MIGA1: variants seen among roughly 807,000 people sequenced by gnomAD.
The protein encoded by MIGA1 is mitoguardin 1.
Under a neutral mutation model 82.0 loss-of-function variants are expected in MIGA1, and 58 were observed. The ratio of observed to expected loss-of-function variants is 0.71; its 90% CI spans 0.57 to 0.88. The LOEUF (loss-of-function observed/expected upper bound fraction) is 0.88, where lower values mean the gene tolerates loss of function less well. MIGA1 is among the 40% of genes least tolerant of loss of function. The probability of loss-of-function intolerance (pLI) is 0.00; values close to 1 mark genes in which losing one functional copy is unlikely to be tolerated. For synonymous variants in MIGA1, 249 were observed against 253.6 expected (o/e 0.98, Z 0.17); for missense variants, 751 against 749.1 (o/e 1.00, Z -0.03).
Position 77,875,120 on chromosome 1 carries a change from T to C in MIGA1, c.*56T>C. 1 of 1,379,044 alleles carries C rather than the reference T, an allele frequency of 7.3e-7. No homozygotes were observed. The allele number at this position is 1,379,044 out of a possible 1,614,324, so 85.4% of individuals were successfully genotyped here. A position where few individuals can be genotyped will look rare whatever the true frequency, so the allele number is the denominator to read the frequency against. ...CTATGAAATATTTTAAGGTAACTATTGATTTTGTAACATATATTACAAAGT... is the reference window on the plus strand; with the variant it reads ...CTATGAAATATTTTAAGGTAACTATCGATTTTGTAACATATATTACAAAGT... On this transcript the variant is annotated 3_prime_UTR_variant, in exon 16 of 16. Coordinates refer to ENST00000370791, the MANE Select transcript of MIGA1 (RefSeq NM_198549.4).
intron 2 of MIGA1, among the ~76,000 whole-genome samples, chr1:77,789,811 A>G (rs1462423235): frequency 2.0e-5 from 3 of 151,842 alleles, no homozygotes; most frequent in Admixed American, 6.6e-5. Flanking sequence ...CCATACCTAG[A>G]ATCAACCACT....
intron 7 of MIGA1, among the ~76,000 whole-genome samples, chr1:77,840,375 A>G (rs1684584013): frequency 6.6e-6 from 1 of 152,228 alleles, no homozygotes; most frequent in Admixed American, 6.5e-5. Flanking sequence ...GTTATTGTTG[A>G]CTAAAGTAAA....
At chr1:77,812,261 G>T (rs1197267705) in intron 5 of MIGA1, among the ~76,000 whole-genome samples, 1 of 152,190 alleles carries the variant, frequency 6.6e-6, no homozygotes, top group African/African-American at 2.4e-5. Context: ...CTGAGGTCAG[G>T]AGTTCGAGAC....
chr1:77,855,302 T>C (rs1279735826), intron 8 of MIGA1, among the ~76,000 whole-genome samples: 1 of 152,204 alleles, frequency 6.6e-6, no homozygotes, highest in Non-Finnish European at 1.5e-5. Flanking sequence ...TGTGGCCTTA[T>C]AGTATAGTTT....
At chr1:77,865,141 T>C (rs1350229908) in intron 13 of MIGA1, among the ~76,000 whole-genome samples, 2 of 151,892 alleles carry the variant, frequency 1.3e-5, no homozygotes, top group Admixed American at 1.3e-4. Context: ...TTCTTTCTTT[T>C]TTTTTTTTTT....
chr1:77,791,405 T>C (rs1035154494), intron 2 of MIGA1, among the ~76,000 whole-genome samples: 1 of 152,128 alleles, frequency 6.6e-6, no homozygotes, highest in Admixed American at 6.5e-5. Context: ...TTGTACTCCA[T>C]GGTATGTATG....
At chr1:77,801,589 C>T in intron 3 of MIGA1, 81 bp downstream of exon 3, 1 of 1,196,888 alleles carries the variant, frequency 8.4e-7, no homozygotes, top group Non-Finnish European at 1.1e-6. Flanking sequence ...TTTTAGTCTC[C>T]AGAATTTTCT....
At chr1:77,784,905 C>G (rs527694039) in intron 2 of MIGA1, among the ~76,000 whole-genome samples, 1 of 152,282 alleles carries the variant, frequency 6.6e-6, no homozygotes, top group African/African-American at 2.4e-5. Context: ...TATTGTGACA[C>G]TTACTCATTA....
chr1:77,798,413 C>T (rs1036026752), intron 2 of MIGA1, among the ~76,000 whole-genome samples: 1 of 152,114 alleles, frequency 6.6e-6, no homozygotes, highest in African/African-American at 2.4e-5. Context: ...CTGGTGAGGC[C>T]TCACAATTAT....
intron 2 of MIGA1, among the ~76,000 whole-genome samples, chr1:77,786,084 T>A (rs139799763): frequency 2.5e-4 from 38 of 152,348 alleles, no homozygotes; most frequent in Middle Eastern, 6.8e-3. Context: ...AATTCTTGAT[T>A]TCTGTGCACT....
chr1:77,869,120 TA>T (rs1379891372), intron 14 of MIGA1, among the ~76,000 whole-genome samples: 1 of 149,846 alleles, frequency 6.7e-6, no homozygotes, highest in Non-Finnish European at 1.5e-5. Context: ...CCTGGGTACT[TA>T]AGATTAGGGA....
At chr1:77,845,123 T>C (rs1434956076) in intron 8 of MIGA1, among the ~76,000 whole-genome samples, 3 of 152,196 alleles carry the variant, frequency 2.0e-5, no homozygotes, top group African/African-American at 7.2e-5. Context: ...ATTCATAATA[T>C]CTTTTATCTT....
intron 8 of MIGA1, among the ~76,000 whole-genome samples, chr1:77,856,577 A>G (rs1252328134): frequency 2.0e-5 from 3 of 152,056 alleles, no homozygotes; most frequent in African/African-American, 4.8e-5. Flanking sequence ...TGATCAAGGT[A>G]TCTAATTCTT....
chr1:77,875,637 T>C lies in MIGA1; in HGVS notation c.*573T>C, dbSNP rs1480855085. On this transcript the variant is annotated 3_prime_UTR_variant, in exon 16 of 16. Transcript: ENST00000370791. ...AATCAAAGAAATTGTAATCACTGAA[T>C]ATTGTTATAGAACATTTAAATGGGC... The C allele has an allele frequency of 3.9e-5, 6 of 152,900 alleles. No homozygotes were observed. Among genetic ancestry groups the C allele is most frequent in the Admixed American group, 3.9e-4 (6 of 15,332 alleles). 9.5% of individuals were successfully genotyped at this position (152,900 alleles called of 1,614,324 possible).
chr1:77,871,358 T>C (rs1468780138), intron 14 of MIGA1, among the ~76,000 whole-genome samples: 2 of 151,752 alleles, frequency 1.3e-5, no homozygotes, highest in East Asian at 3.9e-4. Flanking sequence ...AAAAATTAGC[T>C]GGGCATGGTG....
chr1:77,789,583 C>T lies in MIGA1; in HGVS notation c.195+6232C>T, dbSNP rs540323739. Among the ~76,000 whole-genome samples, 6 of 152,176 alleles carry T rather than the reference C, an allele frequency of 3.9e-5. No homozygotes were observed. In the South Asian group the frequency reaches 8.3e-4, roughly 21 times the overall value. Reference sequence around the variant, plus strand: ...TTCTGTAGTATCCTTCACAGCCAATCAATGAAAGTTTTTTAAAAATCGTTT... The same window carrying T: ...TTCTGTAGTATCCTTCACAGCCAATTAATGAAAGTTTTTTAAAAATCGTTT... On this transcript the variant is annotated intron_variant, in intron 2 of 15. Transcript: ENST00000370791.
At chr1:77,872,188 G>A (rs189120808) in intron 14 of MIGA1, among the ~76,000 whole-genome samples, 6 of 152,070 alleles carry the variant, frequency 3.9e-5, no homozygotes, top group East Asian at 1.9e-4. Context: ...GGCTGGTCTC[G>A]AACTCCTAAG....
intron 8 of MIGA1, among the ~76,000 whole-genome samples, chr1:77,857,322 GTTT>G (rs58521309): frequency 2.1e-5 from 3 of 144,100 alleles, no homozygotes; most frequent in Non-Finnish European, 1.5e-5. Flanking sequence ...GTGTACTTTG[GTTT>G]TTTTTTTTTT....
chr1:77,786,490 T>G (rs1682166113), intron 2 of MIGA1, among the ~76,000 whole-genome samples: 1 of 152,230 alleles, frequency 6.6e-6, no homozygotes, highest in African/African-American at 2.4e-5. Flanking sequence ...TCTGCATCCC[T>G]TATAAAACTG....
Sources: gnomAD v4.1 joint callset for allele counts (sites outside exome capture counted in the v4.1 genomes callset) on GRCh38, gnomAD v4.1.1 for gene constraint, MANE v1.5 for transcripts, NCBI Gene and HGNC (gene_info 2026-07-23, HGNC 2026-07-21) for gene names.